Variants in GBE1 observed in about 807,000 individuals in gnomAD.
GBE1 encodes the protein 1,4-alpha-glucan branching enzyme 1, also known as 1,4-alpha-glucan-branching enzyme.
GBE1 carries 70 observed loss-of-function variants against 88.8 expected under a neutral mutation model. That is an observed-to-expected ratio of 0.79 (90% CI 0.65 to 0.96). The LOEUF is 0.96. Ranked by LOEUF, GBE1 falls within the 40% of genes least tolerant of loss-of-function variation. The pLI is 0.00. For missense variants in GBE1, 872 were observed against 871.0 expected (o/e 1.00, Z -0.01); for synonymous variants, 284 against 300.1 (o/e 0.95, Z 0.56).
In GBE1 at chr3:81,735,542, G is replaced by A. The variant is rs191600641; in HGVS notation, c.143+25833C>T. 1.7e-3 allele frequency among the ~76,000 whole-genome samples: 260 copies of A among 152,270 alleles called. 1 individual carries two copies. Among genetic ancestry groups the A allele is most frequent in the Middle Eastern group, 0.014 (4 of 294 alleles). On this transcript the variant is annotated intron_variant, in intron 1 of 15. Coordinates refer to ENST00000429644, the MANE Select transcript of GBE1 (RefSeq NM_000158.4). The stretch of plus-strand genomic sequence containing the variant: ...CAAGCCACTGGACCCATGGCGATGC[G>A]GATGCAGCTGGAAGTCAATTTTCCA...
chr3:81,660,993 G>C (rs888864835), intron 3 of GBE1, among the ~76,000 whole-genome samples: 7 of 151,854 alleles, frequency 4.6e-5, no homozygotes, highest in Non-Finnish European at 1.0e-4. Context: ...CACCTAAACA[G>C]TCACAAACTG....
At chr3:81,597,062 A>G (rs539201856) in intron 7 of GBE1, among the ~76,000 whole-genome samples, 2 of 152,054 alleles carry the variant, frequency 1.3e-5, no homozygotes, top group East Asian at 3.9e-4. Context: ...ATATTGTTCA[A>G]TGTTCTCTCT....
intron 7 of GBE1, among the ~76,000 whole-genome samples, chr3:81,605,001 A>T (rs1704085612): frequency 6.6e-6 from 1 of 152,184 alleles, no homozygotes; most frequent in Non-Finnish European, 1.5e-5. Context: ...AATTTTTTTT[A>T]AATCAAAAAA....
chr3:81,513,434 C>A (rs1368852888), intron 14 of GBE1, among the ~76,000 whole-genome samples: 4 of 151,224 alleles, frequency 2.6e-5, no homozygotes, highest in Non-Finnish European at 3.0e-5. Flanking sequence ...AAACAAAAAT[C>A]AAAAAACAAA....
Position 81,642,911 on chromosome 3 carries a change from C to A in GBE1, c.862G>T (p.Val288Leu). 1 of 1,612,678 alleles carries A rather than the reference C, an allele frequency of 6.2e-7. No individual in the cohort carries two copies. The highest frequency in any genetic ancestry group is 8.5e-7 in the Non-Finnish European group (1 of 1,178,950). Residue 288 changes from valine (V) to leucine (L), a missense_variant, in exon 7 of 16, where the codon GTA becomes TTA. Coordinates refer to ENST00000429644, the MANE Select transcript of GBE1 (RefSeq NM_000158.4). Reference protein sequence around the residue: ...SMGIIVLLDVVHSHASKNSAD... With the variant: ...SMGIIVLLDVLHSHASKNSAD... ...GAATTTTTTGAAGCATGGCTGTGTA[C>A]CACATCTAAGAGGACTATGATACCC...
chr3:81,496,703 T>C (rs1274904140), intron 15 of GBE1, among the ~76,000 whole-genome samples: 1 of 152,166 alleles, frequency 6.6e-6, no homozygotes, highest in Non-Finnish European at 1.5e-5. Context: ...ATAGGTACAT[T>C]TGTTAATGTG....
rs150207240 is a variant in GBE1 at position 81,607,539 on chromosome 3, T to G, written c.993-13516A>C. Among the ~76,000 whole-genome samples, 362 of 152,114 alleles carry G rather than the reference T, an allele frequency of 2.4e-3. 2 individuals are homozygous for G. The highest frequency in any genetic ancestry group is 8.5e-3 in the African/African-American group (351 of 41,532). On this transcript the variant is annotated intron_variant, in intron 7 of 15. Transcript: ENST00000429644. ...ACTCCAGCCTGGCGACAGAGCAAGA[T>G]TCCATCTCAAAAACAAATAAAAACA...
At chr3:81,620,340 G>A (rs1019528316) in intron 7 of GBE1, among the ~76,000 whole-genome samples, 3 of 151,794 alleles carry the variant, frequency 2.0e-5, no homozygotes, top group Admixed American at 6.6e-5. Context: ...CTGCCACCAC[G>A]CCCGGCCATT....
chr3:81,761,390 A>G lies in GBE1; in HGVS notation c.128T>C (p.Val43Ala). 6.2e-7 allele frequency: 1 copy of G among 1,609,538 alleles called. No individual in the cohort carries two copies. The highest frequency in any genetic ancestry group is 8.5e-7 in the Non-Finnish European group (1 of 1,176,992). ...EIDPYLKPYA[V>A]DFQRRYKQFS... ...CCGGCGGTACCTGCGCTGGAAGTCC[A>G]CGGCGTAGGGCTTCAAGTACGGGTC... The change falls in exon 1 of 16, where the codon GTG (valine) becomes GCG (alanine). Residue 43 changes from valine to alanine, a missense_variant. Transcript: ENST00000429644.
intron 2 of GBE1, among the ~76,000 whole-genome samples, chr3:81,705,009 A>T (rs1409151654): frequency 6.6e-6 from 1 of 152,146 alleles, no homozygotes; most frequent in African/African-American, 2.4e-5. Context: ...ATCTACTTTT[A>T]CTGAAGACTC....
intron 14 of GBE1, among the ~76,000 whole-genome samples, chr3:81,522,058 C>T (rs1295433833): frequency 6.6e-6 from 1 of 151,312 alleles, no homozygotes; most frequent in African/African-American, 2.4e-5. Flanking sequence ...GTGAACAATG[C>T]TGGGTGCATT....
intron 1 of GBE1, among the ~76,000 whole-genome samples, chr3:81,750,936 CA>C (rs922189368): frequency 2.0e-5 from 3 of 151,334 alleles, no homozygotes; most frequent in Admixed American, 1.3e-4. Context: ...CCTCAGCCTC[CA>C]AAAGTGCTGG....
chr3:81,659,238 A>T (rs1704987506), intron 3 of GBE1, among the ~76,000 whole-genome samples: 1 of 152,196 alleles, frequency 6.6e-6, no homozygotes, highest in African/African-American at 2.4e-5. Context: ...AAGTTCTTTT[A>T]AAAATATTTT....
chr3:81,548,583 G>A lies in GBE1; in HGVS notation c.1619-11488C>T, dbSNP rs1288474922. On this transcript the variant is annotated intron_variant, in intron 12 of 15. Transcript: ENST00000429644. ...AGGTAACCAAATTTCTTTGTCAATC[G>A]TGTTTTTAACTGTGGCTGCCCTAAA... 4.6e-5 allele frequency among the ~76,000 whole-genome samples: 7 copies of A among 151,138 alleles called. No homozygotes were observed. The East Asian group carries it at 1.2e-3, about 25-fold the overall frequency.
intron 14 of GBE1, among the ~76,000 whole-genome samples, chr3:81,522,420 T>C (rs1364438895): frequency 6.6e-6 from 1 of 151,464 alleles, no homozygotes; most frequent in East Asian, 1.9e-4. Context: ...TGGAGCAGAG[T>C]ACCTCACAAA....
chr3:81,592,749 G>C (rs1041823807), intron 8 of GBE1, among the ~76,000 whole-genome samples: 1 of 151,854 alleles, frequency 6.6e-6, no homozygotes, highest in Admixed American at 6.6e-5. Flanking sequence ...CTCTCGGTGA[G>C]GTAGTTTCTG....
intron 1 of GBE1, among the ~76,000 whole-genome samples, chr3:81,711,814 T>C (rs1327916170): frequency 1.3e-5 from 2 of 152,052 alleles, no homozygotes; most frequent in Non-Finnish European, 2.9e-5. Flanking sequence ...TGGGATCTAA[T>C]TAAACTAAAG....
chr3:81,627,235 A>AT (rs981944197), intron 7 of GBE1, among the ~76,000 whole-genome samples: 3 of 152,192 alleles, frequency 2.0e-5, no homozygotes, highest in East Asian at 1.9e-4. Context: ...GAAGAGGATT[A>AT]TAAGATCTAT....
intron 1 of GBE1, among the ~76,000 whole-genome samples, chr3:81,710,610 G>C (rs1301085948): frequency 6.6e-6 from 1 of 151,694 alleles, no homozygotes; most frequent in Non-Finnish European, 1.5e-5. Flanking sequence ...CATGTTAATT[G>C]GGGGCTCGGG....
Sources: allele counts gnomAD v4.1 joint callset (sites outside exome capture counted in the v4.1 genomes callset), GRCh38; gene constraint gnomAD v4.1.1; transcripts MANE v1.5; gene names NCBI Gene and HGNC (gene_info 2026-07-23, HGNC 2026-07-21).